NECTIN3: variants seen among roughly 807,000 people sequenced by gnomAD.
NECTIN3 encodes nectin cell adhesion molecule 3, also known as nectin-3.
A neutral mutation model predicts 49.4 loss-of-function variants in NECTIN3; 8 were observed. That is an observed-to-expected ratio of 0.16 (90% CI 0.10 to 0.29). The LOEUF (loss-of-function observed/expected upper bound fraction) is 0.29, where lower values mean the gene tolerates loss of function less well. Among genes scored for constraint, NECTIN3 ranks in the 10% least tolerant of loss-of-function variants. NECTIN3 has a pLI of 1.00. For missense variants in NECTIN3, 581 were observed against 654.6 expected, an observed-to-expected ratio of 0.89 and a Z score of 1.23; for synonymous variants, 277 against 241.1, an observed-to-expected ratio of 1.15 and a Z score of -1.38.
chr3:111,153,465 G>T (rs2035038592), intron 7 of NECTIN3, among the ~76,000 whole-genome samples: 2 of 152,034 alleles, frequency 1.3e-5, no homozygotes, highest in Admixed American at 6.5e-5. Flanking sequence ...CAAAGCTTTT[G>T]CTATCTGTCT....
chr3:111,111,421 C>T (rs909908922), intron 1 of NECTIN3, among the ~76,000 whole-genome samples: 1 of 152,044 alleles, frequency 6.6e-6, no homozygotes, highest in Non-Finnish European at 1.5e-5. Context: ...TCTTTAATGA[C>T]TTTTCAGTAG....
At chr3:111,127,465 CTTTTT>C (rs35153084) in intron 5 of NECTIN3, among the ~76,000 whole-genome samples, 2 of 101,154 alleles carry the variant, frequency 2.0e-5, no homozygotes, top group South Asian at 3.3e-4. Flanking sequence ...TGCAAACTTT[CTTTTT>C]TTTTTTTTTT....
At chr3:111,179,522 A>T (rs1252301100) in intron 7 of NECTIN3, among the ~76,000 whole-genome samples, 2 of 152,172 alleles carry the variant, frequency 1.3e-5, no homozygotes, top group Non-Finnish European at 2.9e-5. Flanking sequence ...GAAAGGATTT[A>T]TGGGATGTAA....
At chr3:111,166,857 A>G (rs558187111) in intron 7 of NECTIN3, among the ~76,000 whole-genome samples, 1 of 152,346 alleles carries the variant, frequency 6.6e-6, no homozygotes. Flanking sequence ...ATGTGAATAC[A>G]TGTAATGTAG....
At chr3:111,190,855 CATGAT>C (rs2035801839), upstream of NECTIN3, among the ~76,000 whole-genome samples, 1 of 152,232 alleles carries the variant, frequency 6.6e-6, no homozygotes, top group African/African-American at 2.4e-5. Context: ...ACAAGACAGT[CATGAT>C]GTGTGCTATA....
intron 7 of NECTIN3, among the ~76,000 whole-genome samples, chr3:111,160,526 A>G (rs1254713844): frequency 6.6e-6 from 1 of 152,216 alleles, no homozygotes; most frequent in Admixed American, 6.5e-5. Context: ...CAGTTATAAG[A>G]CAGTATCTTG....
intron 7 of NECTIN3, among the ~76,000 whole-genome samples, chr3:111,163,852 T>C (rs573499824): frequency 1.3e-5 from 2 of 152,118 alleles, no homozygotes; most frequent in East Asian, 3.9e-4. Context: ...AGAAAGAGGA[T>C]TTCCTAATTT....
chr3:111,165,338 C>T (rs118040113), intron 7 of NECTIN3, among the ~76,000 whole-genome samples: 3,706 of 152,204 alleles, frequency 0.024, 180 homozygotes, highest in East Asian at 0.22. Flanking sequence ...CCACCGTGCC[C>T]GGCCAGATTT....
exon 7 of NECTIN3, chr3:111,147,463 G>A: frequency 3.9e-6 from 6 of 1,529,010 alleles, no homozygotes; most frequent in Non-Finnish European, 5.3e-6. Context: ...CCCCACCTTT[G>A]CCTCAGAAAG....
Position 111,133,536 on chromosome 3 carries a change from A to G in NECTIN3, c.1070-99A>G, listed in dbSNP as rs569347987. ...AAAACTATTGTTACTATGAATATAT[A>G]TTCATTAACTGTGCTGTCTTGTCAA... is the stretch of plus-strand genomic sequence containing the variant. On this transcript the variant is annotated intron_variant, in intron 5 of 5. Transcript: ENST00000485303. 5.6e-6 allele frequency: 8 copies of G among 1,428,866 alleles called. No homozygotes were observed. In the African/African-American group the frequency reaches 7.2e-5, roughly 13 times the overall value. The allele number at this position is 1,428,866 out of a possible 1,614,324, so 88.5% of individuals were successfully genotyped here.
chr3:111,082,883 A>T (rs1217145455), intron 1 of NECTIN3, among the ~76,000 whole-genome samples: 4 of 152,216 alleles, frequency 2.6e-5, no homozygotes, highest in Admixed American at 2.6e-4. Context: ...ATAGTGACAG[A>T]TCATCAGGCA....
At chr3:111,099,293 T>G (rs1378801045) in intron 1 of NECTIN3, among the ~76,000 whole-genome samples, 1 of 152,194 alleles carries the variant, frequency 6.6e-6, no homozygotes, top group Non-Finnish European at 1.5e-5. Flanking sequence ...TACTCTTACC[T>G]AGGAGGCTCT....
Position 111,134,308 on chromosome 3 carries a change from G to T in NECTIN3, c.*93G>T. ...CATACTTTTTCTTGAGGAAGAATAA[G>T]CTTTTTCAAGTTGATTTTCAAGCTT... On this transcript the variant is annotated 3_prime_UTR_variant, in exon 6 of 6. Coordinates refer to ENST00000485303, the MANE Select transcript of NECTIN3 (RefSeq NM_015480.3). The T allele has an allele frequency of 1.4e-6, 2 of 1,463,636 alleles. No homozygotes were observed. The highest frequency in any genetic ancestry group is 1.6e-5 in the South Asian group (1 of 63,584). 90.7% of individuals were successfully genotyped at this position (1,463,636 alleles called of 1,614,324 possible).
chr3:111,107,104 A>C (rs933540064), intron 1 of NECTIN3, among the ~76,000 whole-genome samples: 3 of 152,112 alleles, frequency 2.0e-5, no homozygotes, highest in African/African-American at 7.2e-5. Flanking sequence ...TGTGATCTGT[A>C]ATATGGATCT....
intron 7 of NECTIN3, among the ~76,000 whole-genome samples, chr3:111,184,814 CAACCTGATCTTCTGG>C (rs201327607): frequency 0.026 from 4,030 of 152,266 alleles, 120 homozygotes; most frequent in African/African-American, 0.077. Flanking sequence ...ACTTCAAGAT[CAACCTGATCTTCTGG>C]AACCTGATCT....
intron 1 of NECTIN3, among the ~76,000 whole-genome samples, chr3:111,086,474 C>T (rs906943801): frequency 6.6e-6 from 1 of 152,106 alleles, no homozygotes; most frequent in Non-Finnish European, 1.5e-5. Flanking sequence ...ATTTTTTCCT[C>T]CATTTACTAT....
Position 111,134,728 on chromosome 3 carries a change from A to G in NECTIN3, c.*513A>G, listed in dbSNP as rs1481165110. ...TACAAAAAATATTTAGCCTGATGGA[A>G]TGGCTTTCCTTTTCAAACATTATTT... On this transcript the variant is annotated 3_prime_UTR_variant, in exon 6 of 6. Transcript: ENST00000485303. The G allele has an allele frequency of 2.2e-6, 2 of 906,468 alleles. No individual in the cohort carries two copies. The highest frequency in any genetic ancestry group is 2.6e-6 in the Non-Finnish European group (2 of 758,378). 56.2% of individuals were successfully genotyped at this position (906,468 alleles called of 1,614,324 possible).
At chr3:111,161,418 A>T (rs1328971702) in intron 7 of NECTIN3, among the ~76,000 whole-genome samples, 1 of 152,186 alleles carries the variant, frequency 6.6e-6, no homozygotes. Flanking sequence ...TATTTCACAC[A>T]GAATTGGTAA....
chr3:111,106,632 T>C (rs1386071328), intron 1 of NECTIN3, among the ~76,000 whole-genome samples: 1 of 152,208 alleles, frequency 6.6e-6, no homozygotes, highest in Non-Finnish European at 1.5e-5. Flanking sequence ...GGTGATAAAT[T>C]TGATTCTTCC....
Sources: gnomAD v4.1 joint callset for allele counts (sites outside exome capture counted in the v4.1 genomes callset) on GRCh38, gnomAD v4.1.1 for gene constraint, MANE v1.5 for transcripts, NCBI Gene and HGNC (gene_info 2026-07-23, HGNC 2026-07-21) for gene names.